The following SGCZ variants were observed in gnomAD, a reference collection of about 807,000 sequenced individuals.
The protein encoded by SGCZ is sarcoglycan zeta.
Under a neutral mutation model 41.3 loss-of-function variants are expected in SGCZ, and 40 were observed. The ratio of observed to expected loss-of-function variants is 0.97; its 90% CI spans 0.75 to 1.26. SGCZ has a LOEUF of 1.26. Among genes scored for constraint, SGCZ ranks in the 50% most tolerant of loss-of-function variants. SGCZ has a pLI of 0.00. For missense variants in SGCZ, 552 were observed against 369.8 expected (o/e 1.49, Z -4.04); for synonymous variants, 206 against 137.5 (o/e 1.50, Z -3.49).
chr8:15,159,823 T>C (rs1799458796), intron 1 of SGCZ, among the ~76,000 whole-genome samples: 1 of 141,306 alleles, frequency 7.1e-6, no homozygotes, highest in South Asian at 2.4e-4. Context: ...ACCAGTAATA[T>C]GACACTGAAT....
chr8:14,497,591 T>A lies in SGCZ; in HGVS notation c.234+57141A>T, dbSNP rs903949296. 1.4e-4 allele frequency among the ~76,000 whole-genome samples: 21 copies of A among 151,656 alleles called. 1 individual carries two copies. The highest frequency in any genetic ancestry group is 1.0e-3 in the South Asian group (5 of 4,798). On this transcript the variant is annotated intron_variant, in intron 2 of 7. Coordinates refer to ENST00000382080, the MANE Select transcript of SGCZ (RefSeq NM_139167.4). Reference sequence around the variant, plus strand: ...GTGTGTGTGTGTCTGTGTGTGTGTGTGTGAGAGAGAGAGAGAGCTCATCAG... The same window carrying A: ...GTGTGTGTGTGTCTGTGTGTGTGTGAGTGAGAGAGAGAGAGAGCTCATCAG...
At chr8:14,483,399 G>A (rs1020965333) in intron 2 of SGCZ, among the ~76,000 whole-genome samples, 8 of 152,228 alleles carry the variant, frequency 5.3e-5, no homozygotes, top group South Asian at 2.1e-4. Context: ...GTGAGACTCC[G>A]TCTCTACAAA....
intron 1 of SGCZ, among the ~76,000 whole-genome samples, chr8:15,082,224 G>A (rs146684847): frequency 2.0e-5 from 3 of 151,428 alleles, no homozygotes; most frequent in African/African-American, 7.3e-5. Flanking sequence ...GCGAGACTCT[G>A]TCTCAAAAAA....
intron 3 of SGCZ, among the ~76,000 whole-genome samples, chr8:14,278,621 T>C (rs1483256345): frequency 1.3e-5 from 2 of 152,178 alleles, no homozygotes; most frequent in Admixed American, 6.5e-5. Flanking sequence ...GGCTTATATA[T>C]TCTCTATATT....
chr8:14,421,606 G>C (rs1799638767), intron 2 of SGCZ, among the ~76,000 whole-genome samples: 1 of 152,016 alleles, frequency 6.6e-6, no homozygotes, highest in African/African-American at 2.4e-5. Context: ...AAAATATGAA[G>C]TTTGCTCATA....
chr8:14,543,042 T>C (rs1446387090), intron 2 of SGCZ, among the ~76,000 whole-genome samples: 1 of 152,108 alleles, frequency 6.6e-6, no homozygotes, highest in South Asian at 2.1e-4. Context: ...CTCTGTGTTA[T>C]ATTGACTGGT....
At chr8:14,347,913 T>C (rs1033461580) in intron 2 of SGCZ, among the ~76,000 whole-genome samples, 4 of 152,162 alleles carry the variant, frequency 2.6e-5, no homozygotes, top group African/African-American at 7.2e-5. Context: ...TAAAACTTTA[T>C]TTTCTCTAAA....
chr8:14,090,260 C>A lies in SGCZ; in HGVS notation c.*183G>T. The A allele has an allele frequency of 2.0e-6, 1 of 493,610 alleles. No individual in the cohort carries two copies. Among genetic ancestry groups the A allele is most frequent in the Non-Finnish European group, 3.4e-6 (1 of 293,658 alleles). The allele number at this position is 493,610 out of a possible 1,614,324, so 30.6% of individuals were successfully genotyped here. ...TTTCCACTGCTGTGTCAATCACACCCTCTGTGTTGAGCAGTACAGTAAATC... is the reference window on the plus strand; with the variant it reads ...TTTCCACTGCTGTGTCAATCACACCATCTGTGTTGAGCAGTACAGTAAATC... On this transcript the variant is annotated 3_prime_UTR_variant, in exon 8 of 8. Coordinates refer to ENST00000382080, the MANE Select transcript of SGCZ (RefSeq NM_139167.4).
chr8:15,205,403 T>C (rs1801026725), intron 1 of SGCZ, among the ~76,000 whole-genome samples: 1 of 152,044 alleles, frequency 6.6e-6, no homozygotes, highest in African/African-American at 2.4e-5. Context: ...CTTAAATTTA[T>C]AAAAGAAGAA....
intron 2 of SGCZ, among the ~76,000 whole-genome samples, chr8:14,426,762 G>A (rs890390773): frequency 6.6e-6 from 1 of 152,078 alleles, no homozygotes; most frequent in South Asian, 2.1e-4. Flanking sequence ...AGTGTATGCT[G>A]AGAAAAAGGT....
chr8:14,728,024 T>C (rs1023306388), intron 1 of SGCZ, among the ~76,000 whole-genome samples: 2 of 152,124 alleles, frequency 1.3e-5, no homozygotes, highest in African/African-American at 4.8e-5. Context: ...TGCGTCCATT[T>C]ATATGAATTC....
Position 14,348,597 on chromosome 8 carries a change from C to T in SGCZ, c.235-24393G>A, listed in dbSNP as rs544748006. On this transcript the variant is annotated intron_variant, in intron 2 of 7. Coordinates refer to ENST00000382080, the MANE Select transcript of SGCZ (RefSeq NM_139167.4). ...GCCGAATGCTGGCATACAACTGAAACTTGGCATATATTCGCTGAAAAAAAT... is the reference window on the plus strand; with the variant it reads ...GCCGAATGCTGGCATACAACTGAAATTTGGCATATATTCGCTGAAAAAAAT... Among the ~76,000 whole-genome samples the T allele has an allele frequency of 6.7e-4, 102 of 152,178 alleles. 1 individual carries two copies. Among genetic ancestry groups the T allele is most frequent in the Non-Finnish European group, 1.0e-3 (71 of 67,994 alleles).
intron 1 of SGCZ, among the ~76,000 whole-genome samples, chr8:14,684,466 A>G (rs1808543761): frequency 6.6e-6 from 1 of 152,170 alleles, no homozygotes; most frequent in African/African-American, 2.4e-5. Context: ...TCTGGCTAAA[A>G]GAGCTTTGGG....
At chr8:15,230,731 C>A (rs1801915625) in intron 1 of SGCZ, among the ~76,000 whole-genome samples, 1 of 152,152 alleles carries the variant, frequency 6.6e-6, no homozygotes, top group African/African-American at 2.4e-5. Context: ...ACTGCAGAGG[C>A]CAAAGGCAAG....
intron 1 of SGCZ, among the ~76,000 whole-genome samples, chr8:14,822,759 A>G (rs978345370): frequency 6.6e-6 from 1 of 152,162 alleles, no homozygotes; most frequent in Non-Finnish European, 1.5e-5. Flanking sequence ...CTGGAAAAAA[A>G]AAAGATATCC....
intron 1 of SGCZ, among the ~76,000 whole-genome samples, chr8:15,141,199 G>A (rs898570456): frequency 1.3e-4 from 20 of 152,222 alleles, no homozygotes; most frequent in African/African-American, 4.8e-4. Context: ...CAATGCAGTT[G>A]AGTAACTTGT....
rs538586984 is a variant in SGCZ at position 15,051,007 on chromosome 8, G to A, written c.39+186578C>T. 1.1e-3 allele frequency among the ~76,000 whole-genome samples: 166 copies of A among 152,250 alleles called. 1 individual carries two copies. Among genetic ancestry groups the A allele is most frequent in the African/African-American group, 3.9e-3 (162 of 41,552 alleles). Reference sequence around the variant, plus strand: ...AGTCAAGAAACATCACATATTTGTAGAACAATAATCACTGAAATTCAGTTA... The same window carrying A: ...AGTCAAGAAACATCACATATTTGTAAAACAATAATCACTGAAATTCAGTTA... On this transcript the variant is annotated intron_variant, in intron 1 of 7. Transcript: ENST00000382080.
At chr8:14,130,858 G>C (rs930862303) in intron 5 of SGCZ, among the ~76,000 whole-genome samples, 1 of 152,164 alleles carries the variant, frequency 6.6e-6, no homozygotes, top group African/African-American at 2.4e-5. Context: ...CAGTAAGCAA[G>C]CAAGCAACAT....
At chr8:15,073,565 T>C (rs1301048513) in intron 1 of SGCZ, among the ~76,000 whole-genome samples, 1 of 152,160 alleles carries the variant, frequency 6.6e-6, no homozygotes, top group Non-Finnish European at 1.5e-5. Flanking sequence ...TGATTAACAT[T>C]TTAATCTGTA....
Sources: allele counts gnomAD v4.1 joint callset (sites outside exome capture counted in the v4.1 genomes callset), GRCh38; gene constraint gnomAD v4.1.1; transcripts MANE v1.5; gene names NCBI Gene and HGNC (gene_info 2026-07-23, HGNC 2026-07-21).